Variants in ABCB7 observed in about 807,000 individuals in gnomAD.
The protein encoded by ABCB7 is ATP binding cassette subfamily B member 7.
In ABCB7, 7 loss-of-function variants were observed where a neutral mutation model predicts 54.4. That is an observed-to-expected ratio of 0.13 (90% CI 0.07 to 0.24). The LOEUF (loss-of-function observed/expected upper bound fraction) is 0.24. Ranked by LOEUF, ABCB7 falls within the 10% of genes least tolerant of loss-of-function variation. The probability of loss-of-function intolerance (pLI) is 1.00; values close to 1 mark genes in which losing one functional copy is unlikely to be tolerated. For missense variants in ABCB7, 356 were observed against 570.4 expected, an observed-to-expected ratio of 0.62 and a Z score of 3.83; for synonymous variants, 218 against 207.1, an observed-to-expected ratio of 1.05 and a Z score of -0.45.
chrX:75,114,372 C>G (rs1602384810), intron 2 of ABCB7, among the ~76,000 whole-genome samples: 1 of 111,841 alleles, frequency 8.9e-6, no homozygotes, highest in South Asian at 3.8e-4. Context: ...CTGATGGGCT[C>G]TAATAAGCTT....
intron 4 of ABCB7, among the ~76,000 whole-genome samples, chrX:75,096,130 T>C (rs2081588582): frequency 8.9e-6 from 1 of 111,921 alleles, no homozygotes; most frequent in Non-Finnish European, 1.9e-5. Flanking sequence ...GAATCATATT[T>C]ATCCTTAGGT....
intron 1 of ABCB7, 34 bp from the exon 2 acceptor site, chrX:75,114,865 C>A (rs774625367): frequency 2.9e-6 from 3 of 1,032,587 alleles, no homozygotes; most frequent in Admixed American, 2.2e-5. Flanking sequence ...GGGGAAGTTT[C>A]AGAGTGGACA....
intron 14 of ABCB7, among the ~76,000 whole-genome samples, chrX:75,060,561 A>AT (rs1274423007): frequency 1.8e-5 from 2 of 111,742 alleles, no homozygotes; most frequent in Admixed American, 1.9e-4. Flanking sequence ...GTGGAAAAAA[A>AT]TTCTTAGGCA....
Position 75,152,461 on chromosome X carries a change from C to T in ABCB7, c.168+3644G>A, listed in dbSNP as rs182729734. On this transcript the variant is annotated intron_variant, in intron 1 of 15. Coordinates refer to ENST00000373394, the MANE Select transcript of ABCB7 (RefSeq NM_001271696.3). ...AACTGTGAGAAATAAATTGCTCTTG[C>T]TTATAAGTCATGTAGTTTATGGTAT... 3.4e-3 allele frequency among the ~76,000 whole-genome samples: 385 copies of T among 112,000 alleles called. 2 individuals are homozygous for T. The highest frequency in any genetic ancestry group is 0.012 in the African/African-American group (368 of 30,818).
chrX:75,099,943 T>A (rs1002336365), intron 3 of ABCB7, among the ~76,000 whole-genome samples: 2 of 110,009 alleles, frequency 1.8e-5, no homozygotes, highest in Non-Finnish European at 3.8e-5. Context: ...TGAGGGCATA[T>A]GAAAATGAGC....
chrX:75,156,105 C>A lies in ABCB7; in HGVS notation c.168G>T (p.Gln56His). ...LGALGTARAYQIPESLKSITW... is the reference protein window; with the variant it reads ...LGALGTARAYHIPESLKSITW... ...TTCTTCCATGTCAGTGGCATCTCAC[C>A]TGGTAGGCTCGAGCGGTTCCCAAGG... is the stretch of plus-strand genomic sequence containing the variant. Residue 56 changes from glutamine to histidine, a missense_variant and splice_region_variant, in exon 1 of 16, where the codon CAG becomes CAT. Physicochemically the swap from Gln to His is conservative, Grantham distance 24. Around this residue, in one of 2 missense-constraint regions of ABCB7, gnomAD observed 115 missense variants for 99.5 expected, o/e 1.16. Transcript: ENST00000373394. 1 of 1,210,210 alleles carries A rather than the reference C, an allele frequency of 8.3e-7. No homozygotes were observed. The highest frequency in any genetic ancestry group is 1.1e-6 in the Non-Finnish European group (1 of 894,837).
chrX:75,073,562 T>C, intron 8 of ABCB7, 127 bp downstream of exon 8: 1 of 552,412 alleles, frequency 1.8e-6, no homozygotes. Context: ...AAAATAGTAT[T>C]ATTCCATCAC....
chrX:75,081,267 A>G (rs907348214), intron 4 of ABCB7, among the ~76,000 whole-genome samples: 2 of 112,310 alleles, frequency 1.8e-5, no homozygotes, highest in Admixed American at 1.9e-4. Context: ...TATCTGAAAG[A>G]TTTCGGAGTA....
intron 1 of ABCB7, among the ~76,000 whole-genome samples, chrX:75,136,951 T>C (rs1054380588): frequency 4.5e-5 from 5 of 111,861 alleles, no homozygotes; most frequent in Admixed American, 9.5e-5. Context: ...ACCTAGGAAA[T>C]ACCATCTGGA....
At chrX:75,109,441 A>G (rs1421124028) in intron 3 of ABCB7, among the ~76,000 whole-genome samples, 1 of 111,663 alleles carries the variant, frequency 9.0e-6, no homozygotes, top group African/African-American at 3.3e-5. Flanking sequence ...TGTTCTTTTC[A>G]AGGGAGTGAA....
At chrX:75,120,809 T>A (rs1163632741) in intron 1 of ABCB7, among the ~76,000 whole-genome samples, 3 of 109,651 alleles carry the variant, frequency 2.7e-5, no homozygotes, top group African/African-American at 1.0e-4. Flanking sequence ...GTTCCTAACC[T>A]ATGGTAAGTA....
At chrX:75,152,054 T>C (rs1435897638) in intron 1 of ABCB7, among the ~76,000 whole-genome samples, 1 of 111,857 alleles carries the variant, frequency 8.9e-6, no homozygotes, top group Non-Finnish European at 1.9e-5. Context: ...CTCATATGAA[T>C]AATTGGTTTG....
At chrX:75,142,925 T>C (rs1320469703) in intron 1 of ABCB7, among the ~76,000 whole-genome samples, 1 of 112,431 alleles carries the variant, frequency 8.9e-6, no homozygotes, top group East Asian at 2.8e-4. Flanking sequence ...TGGTAGCATG[T>C]TCTTTTTGTA....
intron 1 of ABCB7, among the ~76,000 whole-genome samples, chrX:75,121,132 T>C (rs983414930): frequency 9.2e-6 from 1 of 108,850 alleles, no homozygotes; most frequent in African/African-American, 3.4e-5. Context: ...CTAATAAAAA[T>C]ACAAAAATTA....
chrX:75,108,844 A>G lies in ABCB7; in HGVS notation c.333+4042T>C, dbSNP rs767058520. On this transcript the variant is annotated intron_variant, in intron 3 of 15. Transcript: ENST00000373394. The stretch of plus-strand genomic sequence containing the variant: ...ATTCCATTAATTAATTAATGTATCT[A>G]TTTTCAAACACATGATGGGAAATTC... 5.8e-4 allele frequency among the ~76,000 whole-genome samples: 65 copies of G among 111,537 alleles called. 1 individual carries two copies. Among genetic ancestry groups the G allele is most frequent in the African/African-American group, 2.1e-3 (64 of 30,749 alleles).
At chrX:75,062,288 G>A (rs746537750) in intron 14 of ABCB7, 40 bp downstream of exon 14, 1 of 1,122,132 alleles carries the variant, frequency 8.9e-7, no homozygotes, top group Non-Finnish European at 1.2e-6. Context: ...AAGTAGAAAA[G>A]TTAAACATTG....
intron 4 of ABCB7, among the ~76,000 whole-genome samples, chrX:75,085,801 C>G (rs761210292): frequency 8.1e-5 from 9 of 110,690 alleles, no homozygotes; most frequent in Non-Finnish European, 1.3e-4. Flanking sequence ...TATATTTAAT[C>G]TGACTGCAAT....
chrX:75,109,224 A>G (rs1001626799), intron 3 of ABCB7, among the ~76,000 whole-genome samples: 2 of 112,278 alleles, frequency 1.8e-5, no homozygotes, highest in African/African-American at 6.5e-5. Flanking sequence ...ACAAGTGAAC[A>G]GCTATACCTA....
intron 3 of ABCB7, among the ~76,000 whole-genome samples, chrX:75,111,240 T>C (rs2081758049): frequency 8.9e-6 from 1 of 112,507 alleles, no homozygotes; most frequent in African/African-American, 3.2e-5. Flanking sequence ...AGATTTTGTC[T>C]TGCATATCTC....
Sources: gnomAD v4.1 joint callset for allele counts (sites outside exome capture counted in the v4.1 genomes callset) on GRCh38, gnomAD v4.1.1 for gene constraint, gnomAD v4.1.1 regional missense constraint, MANE v1.5 for transcripts, NCBI Gene and HGNC (gene_info 2026-07-23, HGNC 2026-07-21) for gene names.